The following MTNAP1 variants were observed in gnomAD, a reference collection of about 807,000 sequenced individuals.
MTNAP1 encodes mitochondrial nucleoid-associated protein 1.
the MTNAP1 span, chr17:73,233,084 C>T: frequency 0.45 from 68,484 of 152,022 alleles, 16,385 homozygotes; most frequent in East Asian, 0.62. Context: ...CTATTGAGGT[C>T]CTCCTTGAGC....
the MTNAP1 span, among the ~76,000 whole-genome samples, chr17:73,244,060 CAA>C: frequency 6.6e-6 from 1 of 152,216 alleles, no homozygotes; most frequent in African/African-American, 2.4e-5. Context: ...ACTTAAAAAA[CAA>C]AGTGCCATTC....
chr17:73,235,082 C>T, the MTNAP1 span, among the ~76,000 whole-genome samples: 1 of 151,322 alleles, frequency 6.6e-6, no homozygotes, highest in African/African-American at 2.4e-5. Flanking sequence ...ATTAGTCAGG[C>T]GTGGTGGCAT....
chr17:73,245,558 G>A, the MTNAP1 span: 9 of 985,346 alleles, frequency 9.1e-6, no homozygotes, highest in South Asian at 3.8e-4. Context: ...TTACCATTCA[G>A]CTATATGAGA....
At chr17:73,235,890 C>G in the MTNAP1 span, 2 of 1,613,930 alleles carry the variant, frequency 1.2e-6, no homozygotes, top group African/African-American at 1.3e-5. Flanking sequence ...AAGAAGAAAC[C>G]AAGGCTCAGT....
the MTNAP1 span, among the ~76,000 whole-genome samples, chr17:73,243,564 T>C: frequency 4.1e-3 from 611 of 149,862 alleles, 4 homozygotes; most frequent in Non-Finnish European, 5.8e-3. Flanking sequence ...TTTTTTTTTT[T>C]CCCACCCAGG....
chr17:73,239,520 C>CCCTTT, the MTNAP1 span, among the ~76,000 whole-genome samples: 1 of 141,518 alleles, frequency 7.1e-6, no homozygotes. Flanking sequence ...CTTCAGACAT[C>CCCTTT]TTTTTTTTTT....
At chr17:73,238,041 CTTGA>C in the MTNAP1 span, among the ~76,000 whole-genome samples, 1 of 152,174 alleles carries the variant, frequency 6.6e-6, no homozygotes, top group Non-Finnish European at 1.5e-5. Flanking sequence ...TGAAACTCAC[CTTGA>C]TTATGAATCA....
chr17:73,238,800 T>C, the MTNAP1 span, among the ~76,000 whole-genome samples: 2 of 152,222 alleles, frequency 1.3e-5, no homozygotes, highest in South Asian at 4.1e-4. Flanking sequence ...GTGTTGCCAA[T>C]AAATAGTAGA....
the MTNAP1 span, among the ~76,000 whole-genome samples, chr17:73,234,321 G>T: frequency 3.6e-3 from 548 of 150,396 alleles, 1 homozygote; most frequent in African/African-American, 0.013. Flanking sequence ...TGGTATAAAT[G>T]TTTTTTTTTT....
At chr17:73,245,304 G>T in the MTNAP1 span, 21 of 1,435,934 alleles carry the variant, frequency 1.5e-5, no homozygotes, top group Non-Finnish European at 1.9e-5. Context: ...AGGGAGAGGG[G>T]AGTGAAAAAA....
chr17:73,248,631 G>C, the MTNAP1 span: 9 of 1,261,694 alleles, frequency 7.1e-6, no homozygotes, highest in Non-Finnish European at 1.0e-5. Flanking sequence ...GTGACACCCA[G>C]GCTACTGTCC....
the MTNAP1 span, chr17:73,242,212 ACAATGACAGTG>A: frequency 5.5e-6 from 8 of 1,455,552 alleles, no homozygotes; most frequent in Non-Finnish European, 7.6e-6. Flanking sequence ...GTTTCGGTAA[ACAATGACAGTG>A]ACTTCTGTTT....
the MTNAP1 span, among the ~76,000 whole-genome samples, chr17:73,244,006 A>G: frequency 2.0e-5 from 3 of 152,212 alleles, no homozygotes; most frequent in Non-Finnish European, 4.4e-5. Context: ...TCACTTACCA[A>G]TGTGTCTAAG....
the MTNAP1 span, chr17:73,236,851 C>T: frequency 1.4e-5 from 22 of 1,613,950 alleles, 1 homozygote; most frequent in Admixed American, 1.5e-4. Flanking sequence ...GAAGACTCTT[C>T]GCAGCTGCAT....
chr17:73,236,224 A>G, the MTNAP1 span: 11 of 1,614,092 alleles, frequency 6.8e-6, no homozygotes, highest in Non-Finnish European at 9.3e-6. Flanking sequence ...ATTATTAAGC[A>G]ATGAGAGAGA....
the MTNAP1 span, among the ~76,000 whole-genome samples, chr17:73,234,643 A>G: frequency 1.0e-4 from 15 of 146,302 alleles, no homozygotes; most frequent in South Asian, 3.2e-3. Context: ...GTGAGCCGAC[A>G]CTGCACTCCG....
the MTNAP1 span, among the ~76,000 whole-genome samples, chr17:73,234,377 G>A: frequency 6.6e-6 from 1 of 150,382 alleles, no homozygotes; most frequent in Non-Finnish European, 1.5e-5. Flanking sequence ...AAACTAATTT[G>A]CCAGTAATCT....
chr17:73,233,634 C>T, the MTNAP1 span, among the ~76,000 whole-genome samples: 4 of 152,288 alleles, frequency 2.6e-5, no homozygotes, highest in African/African-American at 9.6e-5. Context: ...GAGGCCGAGG[C>T]GGGTGGATCA....
chr17:73,239,303 C>G, the MTNAP1 span, among the ~76,000 whole-genome samples: 1 of 152,102 alleles, frequency 6.6e-6, no homozygotes, highest in African/African-American at 2.4e-5. Flanking sequence ...AATTGAAGGA[C>G]TTGTGTATTT....
Sources: allele counts gnomAD v4.1 joint callset (sites outside exome capture counted in the v4.1 genomes callset), GRCh38; gene constraint gnomAD v4.1.1; transcripts MANE v1.5; gene names NCBI Gene and HGNC (gene_info 2026-07-23, HGNC 2026-07-21).